BCLAF1: variants seen among roughly 807,000 people sequenced by gnomAD.
BCLAF1 encodes bcl-2-associated transcription factor 1.
Under a neutral mutation model 99.5 loss-of-function variants are expected in BCLAF1, and 10 were observed. The observed-to-expected ratio is 0.10, with a 90% CI of 0.06 to 0.17. BCLAF1 has a LOEUF of 0.17. BCLAF1 is among the 10% of genes least tolerant of loss of function. BCLAF1 has a pLI of 1.00. For missense variants in BCLAF1, 636 were observed against 1,105.8 expected (o/e 0.58, Z 6.02); for synonymous variants, 255 against 370.9 (o/e 0.69, Z 3.59).
At chr6:136,284,442 T>G (rs1399975445) in intron 1 of BCLAF1, among the ~76,000 whole-genome samples, 1 of 152,160 alleles carries the variant, frequency 6.6e-6, no homozygotes, top group Non-Finnish European at 1.5e-5. Context: ...ACAATGCTAA[T>G]TACTATAGGA....
intron 8 of BCLAF1, 61 bp from the exon 9 acceptor site, chr6:136,269,673 C>T: frequency 7.8e-7 from 1 of 1,279,906 alleles, no homozygotes. Context: ...TATATATACA[C>T]ATATTATAGA....
At chr6:136,279,269 T>G (rs528840547) in intron 3 of BCLAF1, among the ~76,000 whole-genome samples, 1 of 152,286 alleles carries the variant, frequency 6.6e-6, no homozygotes, top group Admixed American at 6.5e-5. Context: ...CTTAATGGTA[T>G]TATGGTCATT....
intron 11 of BCLAF1, among the ~76,000 whole-genome samples, chr6:136,262,452 T>C (rs1781137536): frequency 6.6e-6 from 1 of 152,148 alleles, no homozygotes; most frequent in South Asian, 2.1e-4. Context: ...TAATATGGCA[T>C]ATGAGTATTT....
At chr6:136,270,274 TC>T (rs1235673553) in intron 8 of BCLAF1, 1 of 151,964 alleles carries the variant, frequency 6.6e-6, no homozygotes, top group East Asian at 1.9e-4. Flanking sequence ...CTGCCCTTTC[TC>T]AATTCAGGTA....
chr6:136,284,448 T>C (rs1784844985), intron 1 of BCLAF1, among the ~76,000 whole-genome samples: 1 of 152,120 alleles, frequency 6.6e-6, no homozygotes, highest in Admixed American at 6.5e-5. Flanking sequence ...CTAATTACTA[T>C]AGGAAATGTA....
intron 2 of BCLAF1, among the ~76,000 whole-genome samples, chr6:136,280,816 T>C (rs868129694): frequency 6.6e-6 from 1 of 151,906 alleles, no homozygotes. Context: ...GATTAGATTA[T>C]ATCTTAGCCT....
intron 6 of BCLAF1, among the ~76,000 whole-genome samples, chr6:136,275,058 A>C (rs1783070472): frequency 6.6e-6 from 1 of 151,896 alleles, no homozygotes; most frequent in South Asian, 2.1e-4. Context: ...AATTAAGCGC[A>C]AAAAAAGTGT....
intron 2 of BCLAF1, among the ~76,000 whole-genome samples, chr6:136,281,172 A>G (rs937617264): frequency 6.6e-6 from 1 of 152,222 alleles, no homozygotes; most frequent in African/African-American, 2.4e-5. Flanking sequence ...CCTCTAATAG[A>G]CTACCACCTT....
chr6:136,272,102 T>G (rs1328848267), intron 7 of BCLAF1, 23 bp from the exon 8 acceptor site: 4 of 1,498,810 alleles, frequency 2.7e-6, no homozygotes, highest in Non-Finnish European at 3.6e-6. Context: ...TAAAATATAT[T>G]TTTAGTCATA....
chr6:136,268,096 C>G, intron 10 of BCLAF1, 66 bp downstream of exon 10: 11 of 1,357,758 alleles, frequency 8.1e-6, no homozygotes, highest in Non-Finnish European at 7.9e-6. Context: ...TGTATATGAC[C>G]TTCCTTATGT....
intron 4 of BCLAF1, 35 bp downstream of exon 4, chr6:136,277,830 A>G (rs199907856): frequency 3.8e-4 from 599 of 1,573,366 alleles, no homozygotes; most frequent in African/African-American, 2.3e-3. Context: ...AACAAAAACA[A>G]TATTATAATC....
intron 1 of BCLAF1, among the ~76,000 whole-genome samples, chr6:136,289,481 A>G (rs1243582798): frequency 1.3e-5 from 2 of 151,944 alleles, no homozygotes; most frequent in Admixed American, 6.5e-5. Flanking sequence ...AGGTTCGCAA[A>G]CACGCGCGCG....
At chr6:136,263,863 A>G (rs1320845328) in intron 11 of BCLAF1, among the ~76,000 whole-genome samples, 1 of 152,206 alleles carries the variant, frequency 6.6e-6, no homozygotes, top group Non-Finnish European at 1.5e-5. Flanking sequence ...AATTTTTATT[A>G]TTGAAAACAT....
chr6:136,263,737 A>G (rs1781342128), intron 11 of BCLAF1, among the ~76,000 whole-genome samples: 1 of 152,152 alleles, frequency 6.6e-6, no homozygotes, highest in African/African-American at 2.4e-5. Flanking sequence ...TCCTTTGAAG[A>G]CAGCAACTCA....
At chr6:136,269,647 G>A (rs1415357247) in intron 8 of BCLAF1, 35 bp from the exon 9 acceptor site, 1 of 1,498,700 alleles carries the variant, frequency 6.7e-7, no homozygotes, top group Non-Finnish European at 8.9e-7. Flanking sequence ...AGATTTCAGG[G>A]GAGAAATAGA....
chr6:136,275,772 G>A, intron 5 of BCLAF1, 71 bp from the exon 6 acceptor site: 2 of 1,564,710 alleles, frequency 1.3e-6, no homozygotes, highest in Non-Finnish European at 1.7e-6. Context: ...GGTATGTTCA[G>A]AAAGTTTAAG....
At chr6:136,269,047 G>A (rs1442803226) in intron 9 of BCLAF1, 1 of 951,444 alleles carries the variant, frequency 1.1e-6, no homozygotes, top group Non-Finnish European at 1.3e-6. Context: ...TCTCTCCCAT[G>A]TTAAACCACT....
chr6:136,264,185 A>G (rs1186357773), intron 11 of BCLAF1, among the ~76,000 whole-genome samples: 1 of 152,164 alleles, frequency 6.6e-6, no homozygotes, highest in Non-Finnish European at 1.5e-5. Flanking sequence ...ATGATGCTTA[A>G]CAAATGTTAT....
intron 3 of BCLAF1, among the ~76,000 whole-genome samples, chr6:136,279,094 T>C (rs77558271): frequency 0.013 from 1,912 of 151,916 alleles, 42 homozygotes; most frequent in African/African-American, 0.042. Flanking sequence ...GGCAAGCACT[T>C]AAATTGATGT....
Sources: allele counts gnomAD v4.1 joint callset (sites outside exome capture counted in the v4.1 genomes callset), GRCh38; gene constraint gnomAD v4.1.1; transcripts MANE v1.5; gene names NCBI Gene and HGNC (gene_info 2026-07-23, HGNC 2026-07-21).